Variants in RIMS2 observed in about 807,000 individuals in gnomAD.
RIMS2 encodes regulating synaptic membrane exocytosis 2.
A neutral mutation model predicts 174.4 loss-of-function variants in RIMS2; 59 were observed. That is an observed-to-expected ratio of 0.34 (90% confidence interval 0.27 to 0.42). The LOEUF is 0.42. RIMS2 is among the 10% of genes least tolerant of loss of function. The pLI, the probability that RIMS2 is intolerant of heterozygous loss-of-function variation, is 1.00. For synonymous variants in RIMS2, 606 were observed against 572.5 expected (o/e 1.06, Z -0.84); for missense variants, 1,620 against 1,666.3 (o/e 0.97, Z 0.48).
At chr8:103,734,116 A>C (rs897050039) in intron 2 of RIMS2, among the ~76,000 whole-genome samples, 1 of 144,780 alleles carries the variant, frequency 6.9e-6, no homozygotes, top group African/African-American at 2.6e-5. Context: ...GGGTTCAATC[A>C]ATTCTCCTCC....
At chr8:103,793,792 A>T (rs540476273) in intron 3 of RIMS2, among the ~76,000 whole-genome samples, 2 of 152,318 alleles carry the variant, frequency 1.3e-5, no homozygotes, top group East Asian at 1.9e-4. Context: ...CCAATAACAG[A>T]CAAACAGAGA....
At chr8:103,589,001 A>G (rs1336787286) in intron 1 of RIMS2, among the ~76,000 whole-genome samples, 1 of 151,820 alleles carries the variant, frequency 6.6e-6, no homozygotes, top group East Asian at 1.9e-4. Context: ...AATATTTGCA[A>G]ACTACCCGTT....
At chr8:103,802,978 A>T (rs776852999) in intron 3 of RIMS2, among the ~76,000 whole-genome samples, 6 of 152,128 alleles carry the variant, frequency 3.9e-5, no homozygotes, top group Non-Finnish European at 8.8e-5. Flanking sequence ...ATTCAGCATC[A>T]TGGTGGTTTT....
At chr8:103,961,122 G>A in exon 15 of RIMS2, 1 of 1,442,744 alleles carries the variant, frequency 6.9e-7, no homozygotes, top group Non-Finnish European at 9.8e-7. Context: ...GATGGAATTG[G>A]TGTAGTATCA....
At chr8:104,092,709 T>C (rs1028386876) in intron 19 of RIMS2, among the ~76,000 whole-genome samples, 8 of 151,960 alleles carry the variant, frequency 5.3e-5, no homozygotes, top group Non-Finnish European at 8.8e-5. Context: ...CTATCCTTTT[T>C]ACATCTCAAC....
At chr8:103,785,110 C>G (rs1285907459) in intron 3 of RIMS2, among the ~76,000 whole-genome samples, 1 of 142,342 alleles carries the variant, frequency 7.0e-6, no homozygotes, top group Non-Finnish European at 1.5e-5. Context: ...GATTTTTGTA[C>G]ATTGATTTTG....
intron 3 of RIMS2, among the ~76,000 whole-genome samples, chr8:103,783,342 C>T (rs2098410057): frequency 6.7e-6 from 1 of 148,928 alleles, no homozygotes; most frequent in East Asian, 2.0e-4. Context: ...CATATGTATA[C>T]ATGTGCCATG....
chr8:104,020,303 A>T (rs1482905008), intron 19 of RIMS2, among the ~76,000 whole-genome samples: 1 of 151,980 alleles, frequency 6.6e-6, no homozygotes, highest in Admixed American at 6.6e-5. Flanking sequence ...ATGAGGGAGA[A>T]ACATCAACAC....
At chr8:104,223,694 T>G in intron 19 of RIMS2, 1 of 1,591,876 alleles carries the variant, frequency 6.3e-7, no homozygotes, top group Non-Finnish European at 8.5e-7. Context: ...TGCGGGGCGC[T>G]CCATGCAGCG....
chr8:103,906,847 T>C (rs750430012), intron 4 of RIMS2, among the ~76,000 whole-genome samples: 23 of 152,302 alleles, frequency 1.5e-4, no homozygotes, highest in Non-Finnish European at 2.6e-4. Context: ...GAGACATAGA[T>C]ACACTTAGCT....
At chr8:104,223,395 A>G in intron 19 of RIMS2, 2 of 1,259,674 alleles carry the variant, frequency 1.6e-6, no homozygotes, top group Non-Finnish European at 2.0e-6. Flanking sequence ...TCGGACGTTC[A>G]CTGCGAGCAG....
At chr8:103,861,421 A>G (rs1405318627) in intron 3 of RIMS2, among the ~76,000 whole-genome samples, 1 of 152,128 alleles carries the variant, frequency 6.6e-6, no homozygotes, top group African/African-American at 2.4e-5. Flanking sequence ...ATGTAATTGC[A>G]ATTAATGCTA....
intron 4 of RIMS2, among the ~76,000 whole-genome samples, chr8:103,894,229 CT>C (rs1175522190): frequency 6.7e-6 from 1 of 148,768 alleles, no homozygotes; most frequent in African/African-American, 2.6e-5. Flanking sequence ...TAATGTCAAG[CT>C]GTTTTATATA....
intron 14 of RIMS2, among the ~76,000 whole-genome samples, chr8:103,953,526 A>G (rs2086108193): frequency 6.6e-6 from 1 of 152,136 alleles, no homozygotes. Context: ...AGCAGAAATA[A>G]AATCCTTTGC....
chr8:104,097,857 C>T (rs999489672), intron 19 of RIMS2, among the ~76,000 whole-genome samples: 1 of 151,998 alleles, frequency 6.6e-6, no homozygotes, highest in African/African-American at 2.4e-5. Flanking sequence ...TTTTAATGGC[C>T]ATTACTTTTA....
chr8:103,717,095 C>CA (rs1441585887), intron 2 of RIMS2, among the ~76,000 whole-genome samples: 1 of 147,170 alleles, frequency 6.8e-6, no homozygotes, highest in Non-Finnish European at 1.5e-5. Flanking sequence ...GCATAAAACT[C>CA]AAAGAGAATA....
At chr8:103,608,396 G>A (rs2095228404) in intron 1 of RIMS2, among the ~76,000 whole-genome samples, 1 of 144,132 alleles carries the variant, frequency 6.9e-6, no homozygotes, top group Non-Finnish European at 1.5e-5. Context: ...TCTCTTCAAA[G>A]CTGTCAGACA....
At chr8:103,998,178 C>G in intron 17 of RIMS2, 1 of 1,593,552 alleles carries the variant, frequency 6.3e-7, no homozygotes, top group Admixed American at 1.7e-5. Context: ...TTCTGCCATG[C>G]TTGCAGTCAT....
chr8:104,133,113 A>G (rs1009495350), intron 19 of RIMS2, among the ~76,000 whole-genome samples: 6 of 152,202 alleles, frequency 3.9e-5, no homozygotes, highest in African/African-American at 1.4e-4. Context: ...TAGCAATGAA[A>G]CCTTCAGCAA....
Sources: allele counts gnomAD v4.1 joint callset (sites outside exome capture counted in the v4.1 genomes callset), GRCh38; gene constraint gnomAD v4.1.1; transcripts MANE v1.5; gene names NCBI Gene and HGNC (gene_info 2026-07-23, HGNC 2026-07-21).